The following MAP3K5 variants were observed in gnomAD, a reference collection of about 807,000 sequenced individuals.
MAP3K5 encodes the protein mitogen-activated protein kinase kinase kinase 5, also known as ASK-1.
In MAP3K5, 56 loss-of-function variants were observed where a neutral mutation model predicts 158.7. The ratio of observed to expected loss-of-function variants is 0.35; its 90% CI spans 0.28 to 0.44. The LOEUF is 0.44. Ranked by LOEUF, MAP3K5 falls within the 20% of genes least tolerant of loss-of-function variation. The pLI, the probability that MAP3K5 is intolerant of heterozygous loss-of-function variation, is 1.00. For synonymous variants in MAP3K5, 579 were observed against 601.7 expected (o/e 0.96, Z 0.55); for missense variants, 1,294 against 1,674.8 (o/e 0.77, Z 3.97).
intron 21 of MAP3K5, chr6:136,593,716 A>C (rs768926263): frequency 4.5e-6 from 1 of 222,898 alleles, no homozygotes; most frequent in Non-Finnish European, 9.4e-6. Flanking sequence ...CAGATATGCA[A>C]AAAAAAAAAA....
chr6:136,758,655 A>G (rs1021502925), intron 1 of MAP3K5, among the ~76,000 whole-genome samples: 1 of 152,276 alleles, frequency 6.6e-6, no homozygotes, highest in African/African-American at 2.4e-5. Context: ...AAAAATCAAT[A>G]AAAGAGACTA....
intron 2 of MAP3K5, among the ~76,000 whole-genome samples, chr6:136,707,719 G>A (rs373723299): frequency 5.9e-4 from 90 of 152,336 alleles, no homozygotes; most frequent in Non-Finnish European, 1.0e-3. Flanking sequence ...GGCAGTCAAC[G>A]TGTTTTTTAA....
chr6:136,571,984 A>C (rs1489919382), intron 25 of MAP3K5, among the ~76,000 whole-genome samples: 1 of 152,162 alleles, frequency 6.6e-6, no homozygotes, highest in Non-Finnish European at 1.5e-5. Context: ...CCATTTCTTA[A>C]TTTATTGATA....
intron 25 of MAP3K5, among the ~76,000 whole-genome samples, chr6:136,573,212 A>G (rs112639980): frequency 6.4e-4 from 98 of 152,318 alleles, no homozygotes; most frequent in African/African-American, 2.3e-3. Context: ...GAATAGAACA[A>G]AAAGATGGAG....
At chr6:136,569,909 A>C (rs1774287850) in intron 25 of MAP3K5, among the ~76,000 whole-genome samples, 1 of 152,240 alleles carries the variant, frequency 6.6e-6, no homozygotes, top group Non-Finnish European at 1.5e-5. Flanking sequence ...AGGTAGCAGA[A>C]ATATTGAATT....
intron 8 of MAP3K5, among the ~76,000 whole-genome samples, chr6:136,661,698 T>C (rs1779013679): frequency 6.6e-6 from 1 of 152,186 alleles, no homozygotes; most frequent in Non-Finnish European, 1.5e-5. Context: ...TTAAATTTCT[T>C]TGTAGTTTCT....
chr6:136,607,974 T>A (rs1360862539), intron 18 of MAP3K5, among the ~76,000 whole-genome samples: 1 of 151,934 alleles, frequency 6.6e-6, no homozygotes, highest in African/African-American at 2.4e-5. Context: ...CCATGGTAAA[T>A]AGGGTGTTCA....
At chr6:136,568,153 A>G (rs1476522269) in intron 25 of MAP3K5, among the ~76,000 whole-genome samples, 8 of 152,230 alleles carry the variant, frequency 5.3e-5, no homozygotes, top group Non-Finnish European at 8.8e-5. Context: ...CACATTGCAC[A>G]TATGTGGGGA....
chr6:136,592,100 A>G, intron 23 of MAP3K5, 73 bp downstream of exon 23: 1 of 1,367,864 alleles, frequency 7.3e-7, no homozygotes, highest in East Asian at 2.3e-5. Context: ...ATCATCTGTG[A>G]CAGCTGCAGG....
chr6:136,783,865 G>A (rs1480531732), intron 1 of MAP3K5, among the ~76,000 whole-genome samples: 5 of 150,016 alleles, frequency 3.3e-5, no homozygotes, highest in Non-Finnish European at 7.4e-5. Flanking sequence ...GGTACCTCAT[G>A]CTGGAGAGAC....
chr6:136,657,905 G>T (rs2114451140), intron 9 of MAP3K5, among the ~76,000 whole-genome samples: 1 of 152,324 alleles, frequency 6.6e-6, no homozygotes, highest in East Asian at 1.9e-4. Context: ...AATGGCTAAA[G>T]GCAAATCTTG....
At chr6:136,587,882 T>C (rs540327929) in intron 23 of MAP3K5, among the ~76,000 whole-genome samples, 1 of 152,152 alleles carries the variant, frequency 6.6e-6, no homozygotes. Context: ...CACCAAACAA[T>C]TGAATATGAC....
At chr6:136,573,983 T>C (rs185910528) in intron 25 of MAP3K5, among the ~76,000 whole-genome samples, 1 of 151,462 alleles carries the variant, frequency 6.6e-6, no homozygotes. Context: ...CAGGCTGGAG[T>C]GCAGTGGCAT....
rs186605546 is a variant in MAP3K5, at chr6:136,688,866, A to T, written c.1253+5274T>A. 5.1e-3 allele frequency among the ~76,000 whole-genome samples: 781 copies of T among 152,326 alleles called. 5 individuals are homozygous for T. The highest frequency in any genetic ancestry group is 7.1e-3 in the Non-Finnish European group (480 of 68,032). Reference sequence around the variant, plus strand: ...TATGCATTTCATTGTCACATACGAAAGCATTTATACTGGGCATAATGCTTC... The same window carrying T: ...TATGCATTTCATTGTCACATACGAATGCATTTATACTGGGCATAATGCTTC... On this transcript the variant is annotated intron_variant, in intron 7 of 29. Coordinates refer to ENST00000359015, the MANE Select transcript of MAP3K5 (RefSeq NM_005923.4).
At chr6:136,704,366 C>T (rs79019790) in intron 3 of MAP3K5, among the ~76,000 whole-genome samples, 145 of 151,884 alleles carry the variant, frequency 9.5e-4, no homozygotes, top group African/African-American at 2.4e-3. Flanking sequence ...TGGGGAATCA[C>T]GATTTAGAAA....
rs752243698 is a variant in MAP3K5, at chr6:136,583,659, G to T, written c.3307C>A (p.Arg1103=). The T allele has an allele frequency of 2.5e-6, 4 of 1,614,000 alleles. No homozygotes were observed. The highest frequency in any genetic ancestry group is 2.7e-5 in the African/African-American group (2 of 74,886). ...GACAGTGTGGTGGCTATGATTTTTC[G>T]GTCAGTGGATCTCACAAATTCTCTG... is the stretch of plus-strand genomic sequence containing the variant. ...SLREFVRSTD[R]KIIATTLSKL... is the part of the protein sequence containing the mutation. Residue 1103 remains arginine, a synonymous_variant, in exon 24 of 30, where the codon CGA becomes AGA. Coordinates refer to ENST00000359015, the MANE Select transcript of MAP3K5 (RefSeq NM_005923.4).
At chr6:136,628,732 G>C (rs1777165669) in intron 14 of MAP3K5, among the ~76,000 whole-genome samples, 1 of 152,176 alleles carries the variant, frequency 6.6e-6, no homozygotes, top group African/African-American at 2.4e-5. Context: ...AATGGTGATA[G>C]TAAAATGAAA....
chr6:136,656,527 G>A, intron 9 of MAP3K5, 67 bp from the exon 10 acceptor site: 1 of 929,326 alleles, frequency 1.1e-6, no homozygotes, highest in Non-Finnish European at 1.6e-6. Flanking sequence ...ATGTATCCCA[G>A]TCTAATTCTG....
At position 136,592,367 on chromosome 6, in the gene MAP3K5, C is replaced by T. The variant is rs760574611; in HGVS notation, c.3057-26G>A. 2.5e-5 allele frequency: 40 copies of T among 1,594,800 alleles called. 1 individual carries two copies. Among genetic ancestry groups the T allele is most frequent in the Non-Finnish European group, 2.8e-5 (33 of 1,169,562 alleles). ...CTGAGAAAATTTATGCAGCATAAATCACAGTTCCCTTTATAAAATGACACA... is the reference window on the plus strand; with the variant it reads ...CTGAGAAAATTTATGCAGCATAAATTACAGTTCCCTTTATAAAATGACACA... On this transcript the variant is annotated intron_variant, in intron 22 of 29. Transcript: ENST00000359015.
Sources: gnomAD v4.1 joint callset for allele counts (sites outside exome capture counted in the v4.1 genomes callset) on GRCh38, gnomAD v4.1.1 for gene constraint, MANE v1.5 for transcripts, NCBI Gene and HGNC (gene_info 2026-07-23, HGNC 2026-07-21) for gene names.